Variants in MIER2 observed in about 807,000 individuals in gnomAD.
MIER2 encodes MIER family member 2.
MIER2 carries 30 observed loss-of-function variants against 67.6 expected under a neutral mutation model. The ratio of observed to expected loss-of-function variants is 0.44; its 90% CI spans 0.33 to 0.60. MIER2 has a LOEUF of 0.60. Among genes scored for constraint, MIER2 ranks in the 20% least tolerant of loss-of-function variants. The pLI is 0.02. For synonymous variants in MIER2, 372 were observed against 312.6 expected (o/e 1.19, Z -2.00); for missense variants, 702 against 745.1 (o/e 0.94, Z 0.67).
intron 9 of MIER2, 70 bp downstream of exon 9, chr19:312,121 G>A: frequency 8.3e-7 from 1 of 1,201,792 alleles, no homozygotes; most frequent in Admixed American, 2.1e-5. Flanking sequence ...GGAAGGCCCA[G>A]GCCGGGGAGA....
At chr19:334,804 A>G (rs536995801) in intron 2 of MIER2, among the ~76,000 whole-genome samples, 8 of 152,272 alleles carry the variant, frequency 5.3e-5, no homozygotes, top group Admixed American at 5.2e-4. Context: ...TCCTGAACAC[A>G]GAGAAGCCTG....
chr19:308,511 C>T lies in MIER2; in HGVS notation c.1198+66G>A, dbSNP rs989671537. 6.9e-5 allele frequency: 101 copies of T among 1,472,764 alleles called. No individual in the cohort carries two copies. Among genetic ancestry groups the T allele is most frequent in the Admixed American group, 1.6e-4 (8 of 48,800 alleles). 91.2% of individuals were successfully genotyped at this position (1,472,764 alleles called of 1,614,324 possible). A position where few individuals can be genotyped will look rare whatever the true frequency, so the allele number is the denominator to read the frequency against. On this transcript the variant is annotated intron_variant, in intron 12 of 13. Coordinates refer to ENST00000264819, the MANE Select transcript of MIER2 (RefSeq NM_017550.3). The surrounding 1 kb of genome is among the most constrained non-coding windows in gnomAD (Gnocchi z 9.1). ...GGGCGCCAGGCAGGAGAGGCTCCAC[C>T]GGGCCTCACTCACGGCTCCAGACCC... is the stretch of plus-strand genomic sequence containing the variant.
chr19:313,733 G>A (rs1971120904), intron 7 of MIER2, 90 bp from the exon 8 acceptor site: 1 of 1,522,160 alleles, frequency 6.6e-7, no homozygotes, highest in Non-Finnish European at 8.8e-7. Flanking sequence ...CTCAGCCCCT[G>A]ACAGGGAGGA....
In MIER2 at chr19:337,374, A is replaced by G. The variant is rs181041651; in HGVS notation, c.10-1201T>C. ...ATCCAACAAAATCCAACATACTTTC[A>G]TAAGGAAAAATACCCAACAAACTCA... is the stretch of plus-strand genomic sequence containing the variant. On this transcript the variant is annotated intron_variant, in intron 1 of 13. Coordinates refer to ENST00000264819, the MANE Select transcript of MIER2 (RefSeq NM_017550.3). Among the ~76,000 whole-genome samples, 258 of 152,316 alleles carry G rather than the reference A, an allele frequency of 1.7e-3. 1 individual carries two copies. Among genetic ancestry groups the G allele is most frequent in the Non-Finnish European group, 1.1e-3 (72 of 68,026 alleles).
In MIER2 at chr19:327,193, C is replaced by T. The variant is rs112041836; in HGVS notation, c.433G>A (p.Asp145Asn). The T allele has an allele frequency of 4.1e-4, 653 of 1,595,206 alleles. 1 individual carries two copies. Among genetic ancestry groups the T allele is most frequent in the Non-Finnish European group, 5.3e-4 (627 of 1,174,580 alleles). The change falls in exon 5 of 14, where the codon GAC becomes AAC. Residue 145 changes from aspartate to asparagine, a missense_variant. Coordinates refer to ENST00000264819, the MANE Select transcript of MIER2 (RefSeq NM_017550.3). ...TGGGAGGTCACGGACGGGGTGAGGT[C>T]GTCAGCAGATGATTGCGTCTCTTCC... Reference protein sequence around the residue: ...EEEETQSSADDLTPSVTSHEA... With the variant: ...EEEETQSSADNLTPSVTSHEA...
At chr19:326,982 AC>A in intron 5 of MIER2, 150 bp downstream of exon 5, 1 of 1,104,982 alleles carries the variant, frequency 9.0e-7, no homozygotes, top group Non-Finnish European at 1.3e-6. Flanking sequence ...AGAACAAAGC[AC>A]CCCCAGGGCT....
intron 1 of MIER2, among the ~76,000 whole-genome samples, chr19:343,146 G>A (rs1295584587): frequency 3.9e-5 from 6 of 152,180 alleles, no homozygotes; most frequent in Non-Finnish European, 8.8e-5. Context: ...GTAAAACAGG[G>A]TTAACAGGAG....
chr19:306,624 A>C lies in MIER2; in HGVS notation c.*66T>G. On this transcript the variant is annotated 3_prime_UTR_variant, in exon 14 of 14. Coordinates refer to ENST00000264819, the MANE Select transcript of MIER2 (RefSeq NM_017550.3). ...GGTGGGGAAGGGGTCAGGAAGACTG[A>C]CAGAGGCGGGCCCAGCGGCAGCGCT... The C allele has an allele frequency of 6.5e-7, 1 of 1,548,388 alleles. No homozygotes were observed. Among genetic ancestry groups the C allele is most frequent in the Non-Finnish European group, 8.7e-7 (1 of 1,144,678 alleles).
At chr19:328,764 A>G (rs1373125662) in intron 3 of MIER2, among the ~76,000 whole-genome samples, 2 of 152,192 alleles carry the variant, frequency 1.3e-5, no homozygotes, top group Non-Finnish European at 2.9e-5. Context: ...AAAAAAAAGA[A>G]GAAAACTATG....
At position 344,467 on chromosome 19, in the gene MIER2, A is replaced by T. The variant is rs1448078947; in HGVS notation, c.9+307T>A. 5 of 757,106 alleles carry T rather than the reference A, an allele frequency of 6.6e-6. No individual in the cohort carries two copies. The African/African-American group carries it at 9.6e-5, about 14-fold the overall frequency. The allele number at this position is 757,106 out of a possible 1,614,324, so 46.9% of individuals were successfully genotyped here. On this transcript the variant is annotated intron_variant, in intron 1 of 13. Transcript: ENST00000264819. ...GAGCCGCGCGCCCACCGGACCCCCG[A>T]CACCAGCCCCGCCCCGCGTCCCTCC... is the stretch of plus-strand genomic sequence containing the variant.
rs752459989 is a variant in MIER2 at position 307,545 on chromosome 19, G to C, written c.1199-9C>G. ...ATCCACGCTCAGTGGATCTGTGAAA[G>C]AGAACGCAACAGAGGGTGGGGCCTG... On this transcript the variant is annotated splice_polypyrimidine_tract_variant and intron_variant, in intron 12 of 13. Coordinates refer to ENST00000264819, the MANE Select transcript of MIER2 (RefSeq NM_017550.3). 4.0e-6 allele frequency: 6 copies of C among 1,497,470 alleles called. No homozygotes were observed. The highest frequency in any genetic ancestry group is 4.4e-6 in the Non-Finnish European group (5 of 1,130,616). The allele number at this position is 1,497,470 out of a possible 1,614,324, so 92.8% of individuals were successfully genotyped here.
At chr19:329,621 G>A (rs1370507223) in intron 3 of MIER2, among the ~76,000 whole-genome samples, 1 of 152,206 alleles carries the variant, frequency 6.6e-6, no homozygotes, top group Admixed American at 6.5e-5. Flanking sequence ...GGGCAGGATG[G>A]CTCATGCCTG....
intron 7 of MIER2, among the ~76,000 whole-genome samples, chr19:317,133 G>A (rs1052699085): frequency 2.0e-5 from 3 of 151,970 alleles, no homozygotes; most frequent in East Asian, 1.9e-4. Flanking sequence ...AGTGGCTCAC[G>A]CCTGTAATCC....
chr19:333,093 C>T lies in MIER2; in HGVS notation c.243+1307G>A, dbSNP rs79954332. 4.9e-5 allele frequency among the ~76,000 whole-genome samples: 4 copies of T among 81,652 alleles called. 1 individual carries two copies. Among genetic ancestry groups the T allele is most frequent in the African/African-American group, 6.7e-5 (1 of 14,980 alleles). The allele number at this position is 81,652 out of a possible 152,430, so 53.6% of individuals were successfully genotyped here. On this transcript the variant is annotated intron_variant, in intron 3 of 13. Coordinates refer to ENST00000264819, the MANE Select transcript of MIER2 (RefSeq NM_017550.3). ...CTGCAAGCTCCGTCTCCCGGGTTCA[C>T]GTCATTCTCCCGCCTCAGCCTCCCG...
intron 3 of MIER2, among the ~76,000 whole-genome samples, chr19:332,297 C>T (rs1972063566): frequency 6.6e-6 from 1 of 151,702 alleles, no homozygotes; most frequent in Non-Finnish European, 1.5e-5. Context: ...AGTATTTTTA[C>T]ATGTCAATTT....
intron 3 of MIER2, among the ~76,000 whole-genome samples, chr19:328,584 C>T (rs913027099): frequency 3.3e-5 from 5 of 152,020 alleles, no homozygotes; most frequent in Non-Finnish European, 7.4e-5. Context: ...CCCGTCTCCA[C>T]TAAAAATACA....
In MIER2 at chr19:308,647, C is replaced by A; in HGVS notation, c.1128G>T (p.Leu376=). The change falls in exon 12 of 14, where the codon CTG becomes CTT. Residue 376 remains leucine (L), a synonymous_variant. Coordinates refer to ENST00000264819, the MANE Select transcript of MIER2 (RefSeq NM_017550.3). This position sits in a 1 kb window ranked among gnomAD's most constrained non-coding sequence, Gnocchi z 9.1. ...PSGTTDADQD[L]DGSDPDGPGR... is the part of the protein sequence containing the mutation. ...CGGGGCCATCGGGGTCGCTGCCATC[C>A]AGGTCCTGGTCTGCGTCCCTGTGGG... The A allele has an allele frequency of 6.2e-7, 1 of 1,604,964 alleles. No homozygotes were observed. The highest frequency in any genetic ancestry group is 8.5e-7 in the Non-Finnish European group (1 of 1,176,980).
rs1221119171 is a variant in MIER2, at chr19:306,616, G to A, written c.*74C>T. On this transcript the variant is annotated 3_prime_UTR_variant, in exon 14 of 14. Coordinates refer to ENST00000264819, the MANE Select transcript of MIER2 (RefSeq NM_017550.3). The stretch of plus-strand genomic sequence containing the variant: ...GCCCGGGGGGTGGGGAAGGGGTCAG[G>A]AAGACTGACAGAGGCGGGCCCAGCG... 4.5e-6 allele frequency: 7 copies of A among 1,542,012 alleles called. No individual in the cohort carries two copies. Among genetic ancestry groups the A allele is most frequent in the Non-Finnish European group, 6.1e-6 (7 of 1,139,050 alleles).
intron 10 of MIER2, among the ~76,000 whole-genome samples, chr19:311,589 C>T (rs1971002949): frequency 6.6e-6 from 1 of 151,872 alleles, no homozygotes; most frequent in African/African-American, 2.4e-5. Flanking sequence ...GAATGTGAGG[C>T]AGAAACAACT....
Sources: gnomAD v4.1 joint callset for allele counts (sites outside exome capture counted in the v4.1 genomes callset) on GRCh38, gnomAD v4.1.1 for gene constraint, Gnocchi (gnomAD v3.1) non-coding constraint, MANE v1.5 for transcripts, NCBI Gene and HGNC (gene_info 2026-07-23, HGNC 2026-07-21) for gene names.